Variants in GIT2 observed in about 807,000 individuals in gnomAD.
GIT2 encodes the protein ARF GTPase-activating protein GIT2.
A neutral mutation model predicts 100.3 loss-of-function variants in GIT2; 32 were observed. That is an observed-to-expected ratio of 0.32 (90% CI 0.24 to 0.43). The LOEUF (loss-of-function observed/expected upper bound fraction) is 0.43. Ranked by LOEUF, GIT2 falls within the 20% of genes least tolerant of loss-of-function variation. The pLI is 1.00. For synonymous variants in GIT2, 353 were observed against 364.1 expected (o/e 0.97, Z 0.35); for missense variants, 737 against 975.1 (o/e 0.76, Z 3.25).
At position 109,959,846 on chromosome 12, in the gene GIT2, C is replaced by G; in HGVS notation, c.1099+1G>C. 6.3e-7 allele frequency: 1 copy of G among 1,580,994 alleles called. No individual in the cohort carries two copies. Among genetic ancestry groups the G allele is most frequent in the Non-Finnish European group, 8.7e-7 (1 of 1,150,004 alleles). On this transcript the variant is annotated splice_donor_variant, in intron 12 of 19. Coordinates refer to ENST00000355312, the MANE Select transcript of GIT2 (RefSeq NM_057169.5). LOFTEE classifies it high-confidence loss of function. Reference sequence around the variant, plus strand: ...AAGTGTTTGGAGGTTTGAGCAGTTACCTTTTGAACCCGAGAGAGAACTGCC... The same window carrying G: ...AAGTGTTTGGAGGTTTGAGCAGTTAGCTTTTGAACCCGAGAGAGAACTGCC...
chr12:110,000,074 C>T (rs550901164), upstream of GIT2, among the ~76,000 whole-genome samples: 1 of 152,314 alleles, frequency 6.6e-6, no homozygotes, highest in South Asian at 2.1e-4. Context: ...GTGCCTTGTG[C>T]GAGGCCGCCC....
Position 109,933,329 on chromosome 12 carries a change from C to CT in GIT2, c.2068-140dup. 1.6e-6 allele frequency: 1 copy of CT among 607,080 alleles called. No homozygotes were observed. The highest frequency in any genetic ancestry group is 3.0e-6 in the Non-Finnish European group (1 of 338,808). The allele number at this position is 607,080 out of a possible 1,614,324, so 37.6% of individuals were successfully genotyped here. On this transcript the variant is annotated intron_variant, in intron 19 of 19. Transcript: ENST00000355312. This position sits in a 1 kb window ranked among gnomAD's most constrained non-coding sequence, Gnocchi z 4.5. Reference sequence around the variant, plus strand: ...GGTCCTGCCCTTTCTCAAAGGGGTGCTTCACACACTCCAAGCTTTGCAGCC... The same window carrying CT: ...GGTCCTGCCCTTTCTCAAAGGGGTGCTTTCACACACTCCAAGCTTTGCAGCC...
intron 16 of GIT2, among the ~76,000 whole-genome samples, chr12:109,942,496 G>A (rs1565940233): frequency 1.3e-5 from 2 of 152,028 alleles, no homozygotes; most frequent in Non-Finnish European, 2.9e-5. Context: ...GCCACACCTG[G>A]CTAATTTTTT....
intron 16 of GIT2, among the ~76,000 whole-genome samples, chr12:109,944,938 A>C (rs755779645): frequency 6.6e-6 from 1 of 152,156 alleles, no homozygotes; most frequent in Non-Finnish European, 1.5e-5. Context: ...CTATTATAAT[A>C]TCTAACCAGC....
chr12:109,963,806 G>A (rs1661659299), intron 9 of GIT2, among the ~76,000 whole-genome samples: 4 of 152,126 alleles, frequency 2.6e-5, no homozygotes, highest in Admixed American at 2.6e-4. Flanking sequence ...ACAGGGTGAG[G>A]GTCAACAAGT....
intron 17 of GIT2, 105 bp downstream of exon 17, chr12:109,939,056 AAAAT>A: frequency 1.4e-6 from 1 of 703,552 alleles, no homozygotes. Context: ...TATGAGTCTG[AAAAT>A]AGAGAAAAGG....
intron 7 of GIT2, among the ~76,000 whole-genome samples, chr12:109,979,185 AAGG>A (rs1305081565): frequency 6.6e-6 from 1 of 151,804 alleles, no homozygotes; most frequent in Non-Finnish European, 1.5e-5. Context: ...CAGAAAAAGG[AAGG>A]AGGAGGAGGA....
intron 17 of GIT2, 126 bp from the exon 18 acceptor site, chr12:109,938,694 T>C (rs1873733377): frequency 1.5e-6 from 1 of 651,268 alleles, no homozygotes; most frequent in East Asian, 2.7e-5. Flanking sequence ...TCCTTTATCC[T>C]GTCTAGCAGG....
upstream of GIT2, among the ~76,000 whole-genome samples, chr12:109,997,204 C>CAAA (rs35732772): frequency 2.8e-3 from 122 of 43,272 alleles, no homozygotes; most frequent in Non-Finnish European, 3.9e-3. Context: ...GACTCCGTCT[C>CAAA]AAAAAAAAAA....
intron 18 of GIT2, among the ~76,000 whole-genome samples, chr12:109,936,968 G>C (rs1018400148): frequency 6.6e-6 from 1 of 152,126 alleles, no homozygotes; most frequent in Non-Finnish European, 1.5e-5. Flanking sequence ...ATGGTCCTGA[G>C]CAAAGTGAGT....
At chr12:109,965,723 G>C (rs1472710968) in intron 8 of GIT2, 146 bp from the exon 9 acceptor site, 1 of 764,178 alleles carries the variant, frequency 1.3e-6, no homozygotes, top group Non-Finnish European at 2.4e-6. Context: ...AGTAGAGTCA[G>C]TGAGGAGCTC....
chr12:109,958,539 A>G (rs4766645), intron 12 of GIT2, among the ~76,000 whole-genome samples: 2,503 of 152,264 alleles, frequency 0.016, 50 homozygotes, highest in Admixed American at 0.046. Context: ...CACCACGCCC[A>G]GGCCATTTTA....
intron 18 of GIT2, among the ~76,000 whole-genome samples, chr12:109,935,073 C>T (rs982400082): frequency 4.7e-5 from 7 of 149,732 alleles, no homozygotes; most frequent in Non-Finnish European, 8.9e-5. Flanking sequence ...AGCGAGATTC[C>T]GTCTAAAAAA....
intron 7 of GIT2, among the ~76,000 whole-genome samples, chr12:109,976,691 T>A (rs1885165175): frequency 6.7e-6 from 1 of 148,616 alleles, no homozygotes; most frequent in Non-Finnish European, 1.5e-5. Context: ...TAGGTTCAAG[T>A]GGTTCTCCTG....
At chr12:109,935,188 A>C (rs1872645311) in intron 18 of GIT2, among the ~76,000 whole-genome samples, 1 of 152,208 alleles carries the variant, frequency 6.6e-6, no homozygotes, top group Non-Finnish European at 1.5e-5. Flanking sequence ...TACCTTTGTG[A>C]GCAATTAGAA....
Position 109,948,779 on chromosome 12 carries a change from C to A in GIT2, c.1393-1275G>T. The A allele has an allele frequency of 6.3e-7, 1 of 1,587,186 alleles. No homozygotes were observed. The highest frequency in any genetic ancestry group is 8.5e-7 in the Non-Finnish European group (1 of 1,171,362). On this transcript the variant is annotated intron_variant, in intron 14 of 19. Coordinates refer to ENST00000355312, the MANE Select transcript of GIT2 (RefSeq NM_057169.5). This position sits in a 1 kb window ranked among gnomAD's most constrained non-coding sequence, Gnocchi z 4.3. The stretch of plus-strand genomic sequence containing the variant: ...TTACTTTCAATTTTTATTTAGAAAG[C>A]ACCAATCTGTGAAAAATACACCAAT...
In GIT2 at chr12:109,970,894, A is replaced by G. The variant is rs183261812; in HGVS notation, c.719-3391T>C. 4.6e-5 allele frequency among the ~76,000 whole-genome samples: 7 copies of G among 152,172 alleles called. No individual in the cohort carries two copies. In the East Asian group the frequency reaches 1.4e-3, roughly 30 times the overall value. ...AGCCTCAACCTCCTGGGCTCAGGTG[A>G]TCTTCCCACATCAGCCTCCTGAGTA... is the stretch of plus-strand genomic sequence containing the variant. On this transcript the variant is annotated intron_variant, in intron 7 of 19. Coordinates refer to ENST00000355312, the MANE Select transcript of GIT2 (RefSeq NM_057169.5).
intron 7 of GIT2, among the ~76,000 whole-genome samples, chr12:109,975,447 G>A (rs11069139): frequency 2.6e-5 from 4 of 151,852 alleles, no homozygotes; most frequent in African/African-American, 4.8e-5. Context: ...ATGCTTAAGC[G>A]ATTAGGAGAA....
At chr12:109,996,004 T>C (rs1051702953) in intron 1 of GIT2, 169 bp downstream of exon 1, 3 of 478,460 alleles carry the variant, frequency 6.3e-6, no homozygotes, top group Non-Finnish European at 7.4e-6. Flanking sequence ...GGCGGCCCCC[T>C]GCCCGCCCGG....
Sources: gnomAD v4.1 joint callset for allele counts (sites outside exome capture counted in the v4.1 genomes callset) on GRCh38, gnomAD v4.1.1 for gene constraint, Gnocchi (gnomAD v3.1) non-coding constraint, MANE v1.5 for transcripts, NCBI Gene and HGNC (gene_info 2026-07-23, HGNC 2026-07-21) for gene names.